FRMPD4: variants seen among roughly 807,000 people sequenced by gnomAD.
The protein encoded by FRMPD4 is FERM and PDZ domain containing 4.
A neutral mutation model predicts 94.1 loss-of-function variants in FRMPD4; 22 were observed. The ratio of observed to expected loss-of-function variants is 0.23; its 90% confidence interval spans 0.17 to 0.33. The LOEUF (loss-of-function observed/expected upper bound fraction) is 0.33, where lower values mean the gene tolerates loss of function less well. Ranked by LOEUF, FRMPD4 falls within the 10% of genes least tolerant of loss-of-function variation. FRMPD4 has a pLI of 1.00. For missense variants in FRMPD4, 1,111 were observed against 1,339.9 expected, an observed-to-expected ratio of 0.83 and a Z score of 2.67; for synonymous variants, 631 against 548.6, an observed-to-expected ratio of 1.15 and a Z score of -2.10.
At chrX:12,500,639 T>C (rs1180439130) in intron 2 of FRMPD4, among the ~76,000 whole-genome samples, 1 of 110,889 alleles carries the variant, frequency 9.0e-6, no homozygotes, top group Non-Finnish European at 1.9e-5. Context: ...AAGGATATGC[T>C]CACAGAGATA....
intron 1 of FRMPD4, among the ~76,000 whole-genome samples, chrX:12,443,016 A>T (rs2057156142): frequency 8.9e-6 from 1 of 111,910 alleles, no homozygotes; most frequent in African/African-American, 3.2e-5. Flanking sequence ...TTTGTTCGAA[A>T]TATCCAGAAT....
chrX:12,438,926 C>T (rs1407561339), intron 1 of FRMPD4, among the ~76,000 whole-genome samples: 1 of 111,256 alleles, frequency 9.0e-6, no homozygotes, highest in African/African-American at 3.3e-5. Flanking sequence ...AGACAGTTCT[C>T]TGTGCGTCGC....
At chrX:12,366,203 A>C (rs758538090) in intron 1 of FRMPD4, among the ~76,000 whole-genome samples, 1 of 112,050 alleles carries the variant, frequency 8.9e-6, no homozygotes, top group Non-Finnish European at 1.9e-5. Context: ...GGTCATTTCA[A>C]TGAAGGCAAA....
chrX:12,660,601 TTGAC>T (rs1182434392), intron 4 of FRMPD4, among the ~76,000 whole-genome samples: 6 of 112,675 alleles, frequency 5.3e-5, no homozygotes, highest in Non-Finnish European at 1.1e-4. Flanking sequence ...TCAAAACTGT[TTGAC>T]TGTTTTAAAT....
At chrX:12,161,542 G>A (rs2147620104) in intron 1 of FRMPD4, among the ~76,000 whole-genome samples, 1 of 111,748 alleles carries the variant, frequency 8.9e-6, no homozygotes, top group East Asian at 2.8e-4. Flanking sequence ...AGGTTCTATT[G>A]TTATTCCGGT....
chrX:12,582,868 G>C (rs999306541), intron 2 of FRMPD4, among the ~76,000 whole-genome samples: 11 of 111,940 alleles, frequency 9.8e-5, no homozygotes, highest in Admixed American at 9.5e-4. Context: ...CTGGGAATAC[G>C]GGCGTGCACA....
At chrX:12,039,985 G>GA (rs1019757074) in intron 3 of FRMPD4, among the ~76,000 whole-genome samples, 18 of 95,754 alleles carry the variant, frequency 1.9e-4, no homozygotes, top group Admixed American at 1.3e-3. Flanking sequence ...AAAAAAAAAA[G>GA]AAAAAAAAAG....
At chrX:12,146,816 A>G (rs2055775770) in intron 1 of FRMPD4, among the ~76,000 whole-genome samples, 2 of 111,983 alleles carry the variant, frequency 1.8e-5, no homozygotes, top group Non-Finnish European at 3.8e-5. Flanking sequence ...GGCATTCCTG[A>G]TGGTGTGGGG....
chrX:11,919,224 T>G (rs1263894123), intron 3 of FRMPD4, among the ~76,000 whole-genome samples: 1 of 112,342 alleles, frequency 8.9e-6, no homozygotes, highest in African/African-American at 3.2e-5. Context: ...CATCTCCCCA[T>G]TGTAACAAAC....
chrX:12,266,816 A>G (rs1224146324), intron 1 of FRMPD4, among the ~76,000 whole-genome samples: 1 of 112,162 alleles, frequency 8.9e-6, no homozygotes, highest in Non-Finnish European at 1.9e-5. Context: ...AGAGTAGCCT[A>G]TAGTGGATTT....
intron 2 of FRMPD4, among the ~76,000 whole-genome samples, chrX:12,576,158 A>G (rs191980440): frequency 8.9e-6 from 1 of 112,230 alleles, no homozygotes; most frequent in African/African-American, 3.2e-5. Context: ...TCTGATCGCC[A>G]AAGCTCTTTG....
chrX:12,262,172 G>A (rs2054199261), intron 1 of FRMPD4, among the ~76,000 whole-genome samples: 1 of 112,263 alleles, frequency 8.9e-6, no homozygotes, highest in African/African-American at 3.2e-5. Flanking sequence ...TTTGTATAAT[G>A]TCTGTGGCTG....
chrX:12,529,221 G>A (rs1388123689), intron 2 of FRMPD4, among the ~76,000 whole-genome samples: 2 of 112,632 alleles, frequency 1.8e-5, no homozygotes, highest in South Asian at 7.3e-4. Flanking sequence ...GTTGGACTAA[G>A]GGTCTCAGTT....
chrX:12,608,944 T>G (rs1042371979), intron 2 of FRMPD4, among the ~76,000 whole-genome samples: 1 of 112,004 alleles, frequency 8.9e-6, no homozygotes, highest in African/African-American at 3.3e-5. Context: ...ACGTATAACT[T>G]TGGATGCCCT....
chrX:12,474,181 G>A (rs2057560377), intron 1 of FRMPD4, among the ~76,000 whole-genome samples: 1 of 107,350 alleles, frequency 9.3e-6, no homozygotes, highest in South Asian at 3.8e-4. Flanking sequence ...CAACTACATG[G>A]AAACTGAACA....
intron 1 of FRMPD4, among the ~76,000 whole-genome samples, chrX:12,406,422 G>A (rs758455520): frequency 9.2e-4 from 103 of 111,751 alleles, no homozygotes; most frequent in Admixed American, 1.8e-3. Context: ...TTGGCTTTTC[G>A]ATGTTAGAGG....
chrX:11,863,371 A>G (rs930642257), intron 1 of FRMPD4, among the ~76,000 whole-genome samples: 1 of 110,948 alleles, frequency 9.0e-6, no homozygotes, highest in Non-Finnish European at 1.9e-5. Flanking sequence ...TTATGGCTGC[A>G]TAGTATTCCA....
At chrX:12,056,559 C>A (rs2054855292) in intron 3 of FRMPD4, among the ~76,000 whole-genome samples, 1 of 111,245 alleles carries the variant, frequency 9.0e-6, no homozygotes, top group Non-Finnish European at 1.9e-5. Flanking sequence ...TTCTACGACA[C>A]CTTGGAGAGA....
intron 1 of FRMPD4, among the ~76,000 whole-genome samples, chrX:12,163,936 C>A (rs970772235): frequency 3.6e-5 from 4 of 111,983 alleles, no homozygotes; most frequent in African/African-American, 1.3e-4. Context: ...TTTGGTCTCA[C>A]TTGCAGAAGC....
Sources: allele counts gnomAD v4.1 joint callset (sites outside exome capture counted in the v4.1 genomes callset), GRCh38; gene constraint gnomAD v4.1.1; transcripts MANE v1.5; gene names NCBI Gene and HGNC (gene_info 2026-07-23, HGNC 2026-07-21).